The following KCND2 variants were observed in gnomAD, a reference collection of about 807,000 sequenced individuals.
KCND2 encodes the protein potassium voltage-gated channel subfamily D member 2, also known as A-type voltage-gated potassium channel KCND2.
KCND2 carries 16 observed loss-of-function variants against 54.4 expected under a neutral mutation model. That is an observed-to-expected ratio of 0.29 (90% confidence interval 0.20 to 0.45). The LOEUF (loss-of-function observed/expected upper bound fraction) is 0.45. KCND2 is among the 20% of genes least tolerant of loss of function. KCND2 has a pLI of 1.00. For synonymous variants in KCND2, 317 were observed against 310.7 expected (o/e 1.02, Z -0.21); for missense variants, 486 against 824.2 (o/e 0.59, Z 5.02).
intron 1 of KCND2, among the ~76,000 whole-genome samples, chr7:120,308,370 A>G (rs1428910168): frequency 6.6e-6 from 1 of 152,138 alleles, no homozygotes; most frequent in Non-Finnish European, 1.5e-5. Context: ...AAGCAGTGCC[A>G]TGCCGAGATG....
chr7:120,295,688 G>A (rs1211729550), intron 1 of KCND2, among the ~76,000 whole-genome samples: 2 of 152,040 alleles, frequency 1.3e-5, no homozygotes, highest in Non-Finnish European at 2.9e-5. Context: ...CTGTTATTAT[G>A]TGTTAATTTA....
At chr7:120,591,812 CTA>C (rs561547911) in intron 1 of KCND2, among the ~76,000 whole-genome samples, 224 of 152,278 alleles carry the variant, frequency 1.5e-3, no homozygotes, top group African/African-American at 5.0e-3. Flanking sequence ...GTACTTGCCA[CTA>C]TGTGTGAAAT....
chr7:120,334,568 C>G (rs1800117399), intron 1 of KCND2, among the ~76,000 whole-genome samples: 2 of 152,198 alleles, frequency 1.3e-5, no homozygotes, highest in Admixed American at 1.3e-4. Flanking sequence ...AACCTGCAGA[C>G]AAACCACTTA....
At chr7:120,308,887 TG>T (rs1418198975) in intron 1 of KCND2, among the ~76,000 whole-genome samples, 11 of 152,330 alleles carry the variant, frequency 7.2e-5, no homozygotes, top group Middle Eastern at 3.4e-3. Flanking sequence ...ACCCCCTTTC[TG>T]AGTTTCTTAT....
chr7:120,286,135 C>A (rs1223739419), intron 1 of KCND2, among the ~76,000 whole-genome samples: 1 of 151,832 alleles, frequency 6.6e-6, no homozygotes, highest in South Asian at 2.1e-4. Context: ...ACTTTATAGA[C>A]CACTCACATT....
chr7:120,539,757 G>A (rs988136633), intron 1 of KCND2, among the ~76,000 whole-genome samples: 10 of 151,870 alleles, frequency 6.6e-5, no homozygotes, highest in African/African-American at 2.4e-4. Flanking sequence ...AATTTTTTGT[G>A]GCAAAAGCAC....
chr7:120,364,250 G>A (rs1252782746), intron 1 of KCND2, among the ~76,000 whole-genome samples: 2 of 152,086 alleles, frequency 1.3e-5, no homozygotes, highest in Admixed American at 1.3e-4. Flanking sequence ...AAGTTCTCTG[G>A]GGGGAACCCC....
chr7:120,340,815 T>G (rs998709166), intron 1 of KCND2, among the ~76,000 whole-genome samples: 4 of 152,208 alleles, frequency 2.6e-5, no homozygotes, highest in Non-Finnish European at 5.9e-5. Flanking sequence ...CTAGCTATTT[T>G]GTTGTAAAAG....
chr7:120,545,338 C>G (rs571146044), intron 1 of KCND2, among the ~76,000 whole-genome samples: 1 of 151,926 alleles, frequency 6.6e-6, no homozygotes, highest in African/African-American at 2.4e-5. Flanking sequence ...TAAGCCAGGT[C>G]CCATAGAAAA....
intron 1 of KCND2, among the ~76,000 whole-genome samples, chr7:120,730,723 C>G (rs1467546680): frequency 1.3e-5 from 2 of 152,074 alleles, no homozygotes; most frequent in Admixed American, 6.6e-5. Flanking sequence ...ATCAAAGGAC[C>G]AGAGCTCAGA....
At chr7:120,320,084 C>T (rs1046099902) in intron 1 of KCND2, among the ~76,000 whole-genome samples, 1 of 151,912 alleles carries the variant, frequency 6.6e-6, no homozygotes, top group Non-Finnish European at 1.5e-5. Context: ...TTTCATCTTG[C>T]GCTTGTCAGT....
intron 1 of KCND2, among the ~76,000 whole-genome samples, chr7:120,443,506 T>G (rs568123399): frequency 2.0e-5 from 3 of 152,028 alleles, no homozygotes; most frequent in African/African-American, 7.2e-5. Context: ...TTTATAAATC[T>G]CTCCTCAGTG....
At chr7:120,701,744 C>A (rs1792405308) in intron 1 of KCND2, among the ~76,000 whole-genome samples, 1 of 152,070 alleles carries the variant, frequency 6.6e-6, no homozygotes, top group Admixed American at 6.5e-5. Flanking sequence ...AAGTGGCTGG[C>A]CATGTGCAGA....
intron 1 of KCND2, among the ~76,000 whole-genome samples, chr7:120,604,482 G>A (rs940578043): frequency 2.0e-5 from 3 of 149,176 alleles, no homozygotes; most frequent in South Asian, 2.1e-4. Flanking sequence ...CAGCCTGGGT[G>A]ACAGAGCAAG....
intron 1 of KCND2, among the ~76,000 whole-genome samples, chr7:120,453,243 C>T (rs940319504): frequency 7.9e-5 from 12 of 152,202 alleles, no homozygotes; most frequent in Admixed American, 2.0e-4. Context: ...ACCACCACTA[C>T]CAGAATGAGC....
At chr7:120,468,753 C>T (rs1421827047) in intron 1 of KCND2, among the ~76,000 whole-genome samples, 3 of 151,998 alleles carry the variant, frequency 2.0e-5, no homozygotes, top group African/African-American at 4.8e-5. Flanking sequence ...AGTTGAAGAA[C>T]TTAACGGCTG....
chr7:120,657,760 T>G (rs915002942), intron 1 of KCND2, among the ~76,000 whole-genome samples: 2 of 152,014 alleles, frequency 1.3e-5, no homozygotes, highest in Non-Finnish European at 2.9e-5. Flanking sequence ...AGGAGTGAGA[T>G]TCGCTTGAGC....
chr7:120,275,755 C>G lies in KCND2; in HGVS notation c.1115+8C>G, dbSNP rs757374955. 7.5e-6 allele frequency: 12 copies of G among 1,599,800 alleles called. No homozygotes were observed. The South Asian group carries it at 1.3e-4, about 18-fold the overall frequency. On this transcript the variant is annotated splice_region_variant and intron_variant, in intron 1 of 5. Transcript: ENST00000331113. Reference sequence around the variant, plus strand: ...CACCATGACAACACTAGGGTAGGTGCCATAATGGGAAATGGGATGGAGGTT... The same window carrying G: ...CACCATGACAACACTAGGGTAGGTGGCATAATGGGAAATGGGATGGAGGTT...
At chr7:120,736,572 C>T (rs958024283) in intron 2 of KCND2, among the ~76,000 whole-genome samples, 1 of 151,970 alleles carries the variant, frequency 6.6e-6, no homozygotes, top group African/African-American at 2.4e-5. Flanking sequence ...ACCTAATCAT[C>T]TGCATACTCA....
Sources: gnomAD v4.1 joint callset for allele counts (sites outside exome capture counted in the v4.1 genomes callset) on GRCh38, gnomAD v4.1.1 for gene constraint, MANE v1.5 for transcripts, NCBI Gene and HGNC (gene_info 2026-07-23, HGNC 2026-07-21) for gene names.